Variants in SGCZ observed in about 807,000 individuals in gnomAD.
The protein encoded by SGCZ is sarcoglycan zeta, also known as zeta-sarcoglycan.
Under a neutral mutation model 41.3 loss-of-function variants are expected in SGCZ, and 40 were observed. That is an observed-to-expected ratio of 0.97 (90% confidence interval 0.75 to 1.26). The LOEUF is 1.26. SGCZ is among the 50% of genes most tolerant of loss of function. The pLI, the probability that SGCZ is intolerant of heterozygous loss-of-function variation, is 0.00. For missense variants in SGCZ, 552 were observed against 369.8 expected (o/e 1.49, Z -4.04); for synonymous variants, 206 against 137.5 (o/e 1.50, Z -3.49).
At chr8:14,728,583 C>T (rs1371532145) in intron 1 of SGCZ, among the ~76,000 whole-genome samples, 1 of 151,900 alleles carries the variant, frequency 6.6e-6, no homozygotes, top group African/African-American at 2.4e-5. Context: ...ATGATTTTTA[C>T]CCCATAAACA....
chr8:14,682,394 A>C (rs1808475443), intron 1 of SGCZ, among the ~76,000 whole-genome samples: 1 of 152,090 alleles, frequency 6.6e-6, no homozygotes. Flanking sequence ...AGTAAAACTT[A>C]ATTAAAAATG....
intron 1 of SGCZ, among the ~76,000 whole-genome samples, chr8:14,711,128 C>T (rs1048458923): frequency 6.6e-6 from 1 of 152,206 alleles, no homozygotes. Context: ...CCTGACACAG[C>T]ACTAGAAATA....
intron 2 of SGCZ, among the ~76,000 whole-genome samples, chr8:14,539,398 G>C (rs573402716): frequency 6.6e-6 from 1 of 151,822 alleles, no homozygotes; most frequent in Admixed American, 6.6e-5. Context: ...AATAAAATTA[G>C]GGAACTCAGG....
At chr8:14,884,279 G>T (rs116654976) in intron 1 of SGCZ, among the ~76,000 whole-genome samples, 1 of 152,050 alleles carries the variant, frequency 6.6e-6, no homozygotes, top group African/African-American at 2.4e-5. Flanking sequence ...CAAACCTGGC[G>T]TGTTTTTGAT....
chr8:14,846,560 G>A (rs1803110387), intron 1 of SGCZ, among the ~76,000 whole-genome samples: 1 of 151,964 alleles, frequency 6.6e-6, no homozygotes, highest in South Asian at 2.1e-4. Context: ...ATACCAATAT[G>A]TTTGACAATC....
intron 1 of SGCZ, among the ~76,000 whole-genome samples, chr8:15,236,108 C>T (rs1189435717): frequency 6.6e-6 from 1 of 152,226 alleles, no homozygotes; most frequent in Non-Finnish European, 1.5e-5. Flanking sequence ...CTCCTCCCTA[C>T]TTCCCTTTGC....
At chr8:14,700,674 T>A (rs1402993764) in intron 1 of SGCZ, among the ~76,000 whole-genome samples, 1 of 152,038 alleles carries the variant, frequency 6.6e-6, no homozygotes, top group Non-Finnish European at 1.5e-5. Flanking sequence ...ATAAAATGAT[T>A]AATGTTTAGG....
chr8:14,613,762 G>C (rs770981673), intron 1 of SGCZ, among the ~76,000 whole-genome samples: 5 of 152,148 alleles, frequency 3.3e-5, no homozygotes, highest in Middle Eastern at 3.2e-3. Context: ...TTACAGGAAA[G>C]ATGTGAGGAT....
intron 1 of SGCZ, among the ~76,000 whole-genome samples, chr8:14,993,689 T>C (rs576073547): frequency 1.3e-5 from 2 of 151,914 alleles, no homozygotes; most frequent in Admixed American, 1.3e-4. Flanking sequence ...AGTCCTGAGG[T>C]AGAGATTGTG....
intron 1 of SGCZ, among the ~76,000 whole-genome samples, chr8:14,891,576 C>T (rs1805020163): frequency 6.6e-6 from 1 of 152,156 alleles, no homozygotes; most frequent in African/African-American, 2.4e-5. Flanking sequence ...ATGATGTGAA[C>T]ATTGTTAAAA....
chr8:14,177,958 C>CTTTTCTTTTTCTTTCT, intron 4 of SGCZ, among the ~76,000 whole-genome samples: 1 of 95,056 alleles, frequency 1.1e-5, no homozygotes, highest in Non-Finnish European at 2.1e-5. Flanking sequence ...CTTTTTTTTT[C>CTTTTCTTTTTCTTTCT]TTTTTTTTTT....
chr8:14,253,022 T>G (rs1160248736), intron 3 of SGCZ, among the ~76,000 whole-genome samples: 1 of 152,140 alleles, frequency 6.6e-6, no homozygotes, highest in African/African-American at 2.4e-5. Context: ...ACGTCCTCAT[T>G]AGGCATCTTT....
At chr8:14,240,072 A>G (rs1798816030) in intron 3 of SGCZ, among the ~76,000 whole-genome samples, 2 of 152,054 alleles carry the variant, frequency 1.3e-5, no homozygotes, top group Non-Finnish European at 2.9e-5. Flanking sequence ...GACACCTGCA[A>G]TCTCGGCAGT....
chr8:14,389,881 T>C (rs1003752276), intron 2 of SGCZ, among the ~76,000 whole-genome samples: 10 of 152,020 alleles, frequency 6.6e-5, no homozygotes, highest in African/African-American at 1.9e-4. Context: ...ATGAAACTAA[T>C]TGTAAAGCAC....
chr8:15,053,715 C>A (rs532894669), intron 1 of SGCZ, among the ~76,000 whole-genome samples: 1 of 152,252 alleles, frequency 6.6e-6, no homozygotes, highest in East Asian at 1.9e-4. Context: ...ATGCTCTTAA[C>A]AGATGCTGTG....
At chr8:15,092,038 G>A (rs372308127) in intron 1 of SGCZ, among the ~76,000 whole-genome samples, 48 of 152,260 alleles carry the variant, frequency 3.2e-4, no homozygotes, top group African/African-American at 1.2e-3. Flanking sequence ...ATAGGATGAG[G>A]CACCGTGCCT....
intron 1 of SGCZ, among the ~76,000 whole-genome samples, chr8:14,724,688 G>GATATAT (rs143980961): frequency 0.34 from 50,391 of 148,564 alleles, 10,041 homozygotes; most frequent in Non-Finnish European, 0.45. Flanking sequence ...ATCACTAAGT[G>GATATAT]ATATATATAT....
intron 1 of SGCZ, among the ~76,000 whole-genome samples, chr8:15,046,118 T>C (rs1282029089): frequency 6.6e-6 from 1 of 152,094 alleles, no homozygotes; most frequent in Non-Finnish European, 1.5e-5. Flanking sequence ...ATTTCCATTC[T>C]ATAGTGAACA....
intron 5 of SGCZ, among the ~76,000 whole-genome samples, chr8:14,109,579 A>G (rs1802313361): frequency 6.6e-6 from 1 of 152,218 alleles, no homozygotes; most frequent in Non-Finnish European, 1.5e-5. Flanking sequence ...TGAAGCATAC[A>G]AAACAAATCT....
Sources: gnomAD v4.1 joint callset for allele counts (sites outside exome capture counted in the v4.1 genomes callset) on GRCh38, gnomAD v4.1.1 for gene constraint, MANE v1.5 for transcripts, NCBI Gene and HGNC (gene_info 2026-07-23, HGNC 2026-07-21) for gene names.